Variants in LYPD6 observed in about 807,000 individuals in gnomAD.
LYPD6 encodes LY6/PLAUR domain containing 6, also known as ly6/PLAUR domain-containing protein 6.
LYPD6 carries 15 observed loss-of-function variants against 22.7 expected under a neutral mutation model. The observed-to-expected ratio is 0.66, with a 90% CI of 0.44 to 1.02. The LOEUF is 1.02. Ranked by LOEUF, LYPD6 falls within the 50% of genes least tolerant of loss-of-function variation. LYPD6 has a pLI of 0.00. For synonymous variants in LYPD6, 72 were observed against 77.5 expected, an observed-to-expected ratio of 0.93 and a Z score of 0.37; for missense variants, 189 against 208.4, an observed-to-expected ratio of 0.91 and a Z score of 0.57.
chr2:149,469,871 C>T (rs1040325487), intron 4 of LYPD6, among the ~76,000 whole-genome samples: 1 of 152,136 alleles, frequency 6.6e-6, no homozygotes, highest in Non-Finnish European at 1.5e-5. Context: ...CTTCCTGGCA[C>T]GTGTCACTGT....
In LYPD6 at chr2:149,396,305, G is replaced by A. The variant is rs573315634; in HGVS notation, c.-71-41333G>A. ...AACTGGTCTATTCAATTTTCTACTT[G>A]AGTCAGTTTTGTTCCTTTATATTTT... On this transcript the variant is annotated intron_variant, in intron 1 of 4. Transcript: ENST00000334166. 4.0e-5 allele frequency among the ~76,000 whole-genome samples: 6 copies of A among 150,728 alleles called. No individual in the cohort carries two copies. The South Asian group carries it at 1.3e-3, about 32-fold the overall frequency.
chr2:149,367,869 G>A (rs1252585436), intron 1 of LYPD6: 2 of 152,202 alleles, frequency 1.3e-5, no homozygotes. Flanking sequence ...GTGTTAGAGG[G>A]AAAGGAATAT....
intron 1 of LYPD6, among the ~76,000 whole-genome samples, chr2:149,377,800 C>T (rs79363492): frequency 7.4e-6 from 1 of 135,062 alleles, no homozygotes; most frequent in Non-Finnish European, 1.6e-5. Flanking sequence ...CCCACCCCCC[C>T]AAAAAAGCAA....
the LYPD6 span, among the ~76,000 whole-genome samples, chr2:149,483,163 G>C: frequency 2.0e-5 from 3 of 152,206 alleles, no homozygotes; most frequent in Admixed American, 6.5e-5. Flanking sequence ...AGGATGTCAG[G>C]AGCCTGCCTT....
chr2:149,335,073 G>A (rs1681010220), intron 1 of LYPD6, among the ~76,000 whole-genome samples: 1 of 152,034 alleles, frequency 6.6e-6, no homozygotes, highest in Non-Finnish European at 1.5e-5. Flanking sequence ...AAACACCTAT[G>A]TTACTGATTT....
intron 1 of LYPD6, among the ~76,000 whole-genome samples, chr2:149,347,818 T>C (rs1008919283): frequency 1.3e-5 from 2 of 152,192 alleles, no homozygotes; most frequent in African/African-American, 4.8e-5. Context: ...ATATTTAACA[T>C]GTCCAACTAT....
the LYPD6 span, among the ~76,000 whole-genome samples, chr2:149,484,439 A>G: frequency 6.6e-6 from 1 of 152,174 alleles, no homozygotes; most frequent in African/African-American, 2.4e-5. Context: ...CTAAGCATAG[A>G]TTTAAAATGT....
At position 149,472,794 on chromosome 2, in the gene LYPD6, G is replaced by A. The variant is rs1290013054; in HGVS notation, c.*1944G>A. ...GGTACCAAAGCTCAAACGCAATGTT[G>A]TGAAGCTGTTTCCTTCAGATTTAGG... On this transcript the variant is annotated 3_prime_UTR_variant, in exon 5 of 5. Transcript: ENST00000334166. 6.6e-6 allele frequency: 1 copy of A among 152,614 alleles called. No individual in the cohort carries two copies. The highest frequency in any genetic ancestry group is 2.4e-5 in the African/African-American group (1 of 41,448). The allele number at this position is 152,614 out of a possible 1,614,324, so 9.5% of individuals were successfully genotyped here.
intron 1 of LYPD6, among the ~76,000 whole-genome samples, chr2:149,417,660 T>C (rs762313713): frequency 5.3e-5 from 8 of 152,050 alleles, no homozygotes; most frequent in Non-Finnish European, 1.2e-4. Context: ...GAGTAAAGAG[T>C]TCCCAAGGAC....
rs1681407928 is a variant in LYPD6, at chr2:149,474,095, A to G, written c.*3245A>G. 6.6e-6 allele frequency: 1 copy of G among 152,192 alleles called. No homozygotes were observed. Among genetic ancestry groups the G allele is most frequent in the Admixed American group, 6.6e-5 (1 of 15,264 alleles). The allele number at this position is 152,192 out of a possible 1,614,324, so 9.4% of individuals were successfully genotyped here. On this transcript the variant is annotated 3_prime_UTR_variant, in exon 5 of 5. Coordinates refer to ENST00000334166, the MANE Select transcript of LYPD6 (RefSeq NM_194317.5). The stretch of plus-strand genomic sequence containing the variant: ...CATGTCATTTTTATCTATACAATGA[A>G]TTTATTATATTTTTCTTAGTAAAGT...
chr2:149,394,412 G>A (rs1181487567), intron 1 of LYPD6, among the ~76,000 whole-genome samples: 6 of 152,044 alleles, frequency 3.9e-5, no homozygotes, highest in South Asian at 4.1e-4. Context: ...ACTCTCCACC[G>A]TATTTAACAC....
intron 1 of LYPD6, among the ~76,000 whole-genome samples, chr2:149,364,064 G>T (rs1297127326): frequency 1.3e-5 from 2 of 152,096 alleles, no homozygotes; most frequent in South Asian, 4.2e-4. Context: ...CCCATAGGAA[G>T]GTACGACTTA....
intron 3 of LYPD6, among the ~76,000 whole-genome samples, chr2:149,457,616 G>A (rs1367235943): frequency 6.6e-6 from 1 of 152,182 alleles, no homozygotes; most frequent in Non-Finnish European, 1.5e-5. Context: ...CTAGTGAGAA[G>A]AGGCTGTTGG....
rs982717730 is a variant in LYPD6 at position 149,352,244 on chromosome 2, C to A, written c.-72+21522C>A. Among the ~76,000 whole-genome samples, 143 of 152,118 alleles carry A rather than the reference C, an allele frequency of 9.4e-4. 1 individual carries two copies. The highest frequency in any genetic ancestry group is 3.1e-3 in the African/African-American group (130 of 41,432). ...CATATCCGATAGTTGTCTTCAAATGCATAAAGGGCTGGCAGGTGGAAGAGG... is the reference window on the plus strand; with the variant it reads ...CATATCCGATAGTTGTCTTCAAATGAATAAAGGGCTGGCAGGTGGAAGAGG... On this transcript the variant is annotated intron_variant, in intron 1 of 4. Coordinates refer to ENST00000334166, the MANE Select transcript of LYPD6 (RefSeq NM_194317.5).
chr2:149,346,771 G>A (rs749955673), intron 1 of LYPD6, among the ~76,000 whole-genome samples: 46 of 152,148 alleles, frequency 3.0e-4, no homozygotes, highest in South Asian at 2.1e-4. Context: ...CGTGATCTCG[G>A]CTCACTGCAA....
chr2:149,483,546 G>A, the LYPD6 span, among the ~76,000 whole-genome samples: 1 of 152,184 alleles, frequency 6.6e-6, no homozygotes, highest in African/African-American at 2.4e-5. Context: ...ATGGGAAGAA[G>A]GCTTAGACTC....
intron 2 of LYPD6, among the ~76,000 whole-genome samples, chr2:149,445,989 T>C (rs1455646981): frequency 6.6e-6 from 1 of 152,226 alleles, no homozygotes; most frequent in East Asian, 1.9e-4. Flanking sequence ...ATTGTGTTAC[T>C]CTTCCTTTCA....
At chr2:149,431,581 C>T (rs1157997667) in intron 1 of LYPD6, among the ~76,000 whole-genome samples, 2 of 152,072 alleles carry the variant, frequency 1.3e-5, no homozygotes, top group South Asian at 4.1e-4. Flanking sequence ...TGTAAACAGT[C>T]GGTGATATGA....
chr2:149,351,100 A>T (rs893873933), intron 1 of LYPD6, among the ~76,000 whole-genome samples: 5 of 152,202 alleles, frequency 3.3e-5, no homozygotes, highest in East Asian at 1.9e-4. Flanking sequence ...GAGATATTTT[A>T]AAAAATAGCC....
Sources: allele counts gnomAD v4.1 joint callset (sites outside exome capture counted in the v4.1 genomes callset), GRCh38; gene constraint gnomAD v4.1.1; transcripts MANE v1.5; gene names NCBI Gene and HGNC (gene_info 2026-07-23, HGNC 2026-07-21).